PCCA: variants seen among roughly 807,000 people sequenced by gnomAD.
The protein encoded by PCCA is propionyl-CoA carboxylase alpha chain, mitochondrial.
A neutral mutation model predicts 101.3 loss-of-function variants in PCCA; 74 were observed. That is an observed-to-expected ratio of 0.73 (90% confidence interval 0.61 to 0.89). PCCA has a LOEUF of 0.89. Ranked by LOEUF, PCCA falls within the 40% of genes least tolerant of loss-of-function variation. The probability of loss-of-function intolerance (pLI) is 0.00; values close to 1 mark genes in which losing one functional copy is unlikely to be tolerated. For missense variants in PCCA, 891 were observed against 907.0 expected (o/e 0.98, Z 0.23); for synonymous variants, 294 against 313.6 (o/e 0.94, Z 0.66).
rs182045663 is a variant in PCCA, at chr13:100,214,435, T to G, written c.600+4972T>G. Among the ~76,000 whole-genome samples, 824 of 148,042 alleles carry G rather than the reference T, an allele frequency of 5.6e-3. 6 individuals carry two copies. The highest frequency in any genetic ancestry group is 0.016 in the African/African-American group (652 of 40,312). On this transcript the variant is annotated intron_variant, in intron 7 of 23. Transcript: ENST00000376285. ...TTTTTTTGTGTGTGTGTGTGTGTGT[T>G]TTTTTTTTTAGATGGAACCTCGCTC...
chr13:100,463,459 T>C (rs2082311194), intron 21 of PCCA, among the ~76,000 whole-genome samples: 1 of 150,870 alleles, frequency 6.6e-6, no homozygotes, highest in South Asian at 2.1e-4. Flanking sequence ...GAATTGAAGA[T>C]AATTCTGAGA....
At chr13:100,467,841 C>T (rs1261651070) in intron 21 of PCCA, among the ~76,000 whole-genome samples, 1 of 152,200 alleles carries the variant, frequency 6.6e-6, no homozygotes, top group Non-Finnish European at 1.5e-5. Context: ...TTGGCCTCTT[C>T]CCATGTGAAT....
At chr13:100,447,653 C>G (rs571914076) in intron 20 of PCCA, among the ~76,000 whole-genome samples, 1 of 147,742 alleles carries the variant, frequency 6.8e-6, no homozygotes, top group African/African-American at 2.6e-5. Flanking sequence ...GCCTGGGTGA[C>G]AAGAATGAAA....
At chr13:100,422,124 TTTCTTTCTTTC>T in intron 19 of PCCA, among the ~76,000 whole-genome samples, 1 of 131,208 alleles carries the variant, frequency 7.6e-6, no homozygotes, top group African/African-American at 3.4e-5. Context: ...CTTTCTTTTC[TTTCTTTCTTTC>T]TTTTTTTTTT....
intron 16 of PCCA, among the ~76,000 whole-genome samples, chr13:100,329,339 G>A (rs1466935723): frequency 6.6e-6 from 1 of 152,134 alleles, no homozygotes; most frequent in East Asian, 1.9e-4. Flanking sequence ...AGCGCGTTTG[G>A]CCCAGGAACT....
intron 4 of PCCA, among the ~76,000 whole-genome samples, chr13:100,152,115 G>A (rs943435677): frequency 6.6e-6 from 1 of 152,170 alleles, no homozygotes; most frequent in African/African-American, 2.4e-5. Context: ...AACTAAGGCA[G>A]TAGAGAATTC....
intron 12 of PCCA, among the ~76,000 whole-genome samples, chr13:100,294,089 C>T (rs904027232): frequency 1.8e-4 from 28 of 152,120 alleles, no homozygotes; most frequent in African/African-American, 6.5e-4. Flanking sequence ...CCAACAGGGT[C>T]AGTTTCTTTT....
chr13:100,325,645 G>A (rs907495829), intron 16 of PCCA, among the ~76,000 whole-genome samples: 3 of 152,192 alleles, frequency 2.0e-5, no homozygotes, highest in Non-Finnish European at 4.4e-5. Flanking sequence ...CTGTGCAAAT[G>A]CAATCAGGTT....
intron 8 of PCCA, among the ~76,000 whole-genome samples, chr13:100,252,743 A>G (rs985413674): frequency 6.6e-6 from 1 of 152,182 alleles, no homozygotes; most frequent in African/African-American, 2.4e-5. Context: ...TCCTTCATTC[A>G]TCCCCTTATC....
intron 16 of PCCA, among the ~76,000 whole-genome samples, chr13:100,321,510 T>G (rs2068027827): frequency 6.6e-6 from 1 of 151,974 alleles, no homozygotes; most frequent in Admixed American, 6.6e-5. Flanking sequence ...ATAGTTATTA[T>G]GTATGGGCCA....
intron 21 of PCCA, among the ~76,000 whole-genome samples, chr13:100,500,909 C>T (rs1192028990): frequency 1.3e-5 from 2 of 152,118 alleles, no homozygotes; most frequent in Non-Finnish European, 2.9e-5. Flanking sequence ...TTTGGGAGGC[C>T]GAGGCGGGTA....
intron 4 of PCCA, among the ~76,000 whole-genome samples, chr13:100,128,954 C>T (rs2050229207): frequency 6.6e-6 from 1 of 152,154 alleles, no homozygotes; most frequent in African/African-American, 2.4e-5. Flanking sequence ...TTCTCTTCCA[C>T]TTCTGTTTCT....
At chr13:100,458,361 TACACACAC>T (rs58649291) in intron 21 of PCCA, among the ~76,000 whole-genome samples, 10,168 of 101,186 alleles carry the variant, frequency 0.1, 965 homozygotes, top group African/African-American at 0.24. Context: ...ACCCCATCTC[TACACACAC>T]ACACACACAC....
At chr13:100,247,810 C>G (rs986283180) in intron 8 of PCCA, among the ~76,000 whole-genome samples, 1 of 152,144 alleles carries the variant, frequency 6.6e-6, no homozygotes, top group Non-Finnish European at 1.5e-5. Context: ...GTCACCACAT[C>G]CAGCCTTTTT....
chr13:100,405,511 G>T (rs757279173), intron 19 of PCCA, among the ~76,000 whole-genome samples: 1 of 152,214 alleles, frequency 6.6e-6, no homozygotes, highest in Non-Finnish European at 1.5e-5. Context: ...TGATAGGACT[G>T]AGTGGTTTGC....
chr13:100,255,328 GT>G (rs1469281013), intron 8 of PCCA, among the ~76,000 whole-genome samples: 2 of 152,086 alleles, frequency 1.3e-5, no homozygotes, highest in Non-Finnish European at 2.9e-5. Context: ...TATGTATCTT[GT>G]TTCCCCAGCT....
intron 19 of PCCA, among the ~76,000 whole-genome samples, chr13:100,382,804 T>C (rs2076300866): frequency 6.6e-6 from 1 of 152,184 alleles, no homozygotes; most frequent in Non-Finnish European, 1.5e-5. Flanking sequence ...GAGATATCCA[T>C]GTAAACAATC....
chr13:100,424,225 A>G (rs1318198108), intron 19 of PCCA, among the ~76,000 whole-genome samples: 2 of 152,164 alleles, frequency 1.3e-5, no homozygotes, highest in African/African-American at 2.4e-5. Context: ...ATATGGAAGA[A>G]TGTGCCTGGG....
In PCCA at chr13:100,530,259, C is replaced by T. The variant is rs2088307869; in HGVS notation, c.*93C>T. ...TGATTCAAGCATTATACAGGAACAC[C>T]CCTGTGCAGCTACGTTTACGTCGTC... On this transcript the variant is annotated 3_prime_UTR_variant, in exon 24 of 24. Transcript: ENST00000376285. The T allele has an allele frequency of 2.0e-6, 2 of 987,204 alleles. No homozygotes were observed. The highest frequency in any genetic ancestry group is 3.7e-5 in the Admixed American group (2 of 54,198). The allele number at this position is 987,204 out of a possible 1,614,324, so 61.2% of individuals were successfully genotyped here.
Sources: allele counts gnomAD v4.1 joint callset (sites outside exome capture counted in the v4.1 genomes callset), GRCh38; gene constraint gnomAD v4.1.1; transcripts MANE v1.5; gene names NCBI Gene and HGNC (gene_info 2026-07-23, HGNC 2026-07-21).